NLGN4X: variants seen among roughly 807,000 people sequenced by gnomAD.
NLGN4X encodes the protein neuroligin 4 X-linked.
Under a neutral mutation model 40.3 loss-of-function variants are expected in NLGN4X, and 3 were observed. That is an observed-to-expected ratio of 0.07 (90% CI 0.03 to 0.19). The LOEUF (loss-of-function observed/expected upper bound fraction) is 0.19, where lower values mean the gene tolerates loss of function less well. Among genes scored for constraint, NLGN4X ranks in the 10% least tolerant of loss-of-function variants. The pLI, the probability that NLGN4X is intolerant of heterozygous loss-of-function variation, is 1.00. For synonymous variants in NLGN4X, 270 were observed against 306.8 expected (o/e 0.88, Z 1.25); for missense variants, 382 against 708.3 (o/e 0.54, Z 5.23).
intron 2 of NLGN4X, among the ~76,000 whole-genome samples, chrX:6,072,820 C>G (rs919832428): frequency 3.6e-5 from 4 of 111,394 alleles, no homozygotes; most frequent in Non-Finnish European, 7.5e-5. Flanking sequence ...CCAATTCCTT[C>G]TCTCCACCTT....
Position 6,032,236 on chromosome X carries a change from CCCA to C in NLGN4X, c.473-2807_473-2805del, listed in dbSNP as rs1168536273. On this transcript the variant is annotated intron_variant, in intron 2 of 5. Transcript: ENST00000381095. ...AAACTGATATTTCAGCCCCCCCCCCCCCAAAAAAAATTCTTCTAAGGTGCTGTA... is the reference window on the plus strand; with the variant it reads ...AAACTGATATTTCAGCCCCCCCCCCCAAAAAAATTCTTCTAAGGTGCTGTA... Among the ~76,000 whole-genome samples the C allele has an allele frequency of 1.4e-3, 132 of 93,313 alleles. 2 individuals are homozygous for C. The highest frequency in any genetic ancestry group is 4.9e-3 in the African/African-American group (125 of 25,605). 81.0% of individuals were successfully genotyped at this position (93,313 alleles called of 115,157 possible).
chrX:6,118,604 C>A (rs1357732511), intron 2 of NLGN4X, among the ~76,000 whole-genome samples: 1 of 111,713 alleles, frequency 9.0e-6, no homozygotes, highest in East Asian at 2.8e-4. Context: ...AAGCCAGCAT[C>A]CTCCCTTGAG....
At chrX:5,921,133 TTATATATATATATACATATATA>T (rs1555919725) in intron 3 of NLGN4X, among the ~76,000 whole-genome samples, 1 of 65,013 alleles carries the variant, frequency 1.5e-5, no homozygotes, top group African/African-American at 6.7e-5. Context: ...TAAGTATTTT[TTATATATATATATACATATATA>T]TATATATATA....
chrX:6,222,515 A>G (rs930186417), intron 1 of NLGN4X, among the ~76,000 whole-genome samples: 4 of 112,555 alleles, frequency 3.6e-5, no homozygotes, highest in East Asian at 5.6e-4. Flanking sequence ...GTGAAAGCCT[A>G]GATCGTTTCA....
At chrX:6,045,293 T>C (rs1440187386) in intron 2 of NLGN4X, among the ~76,000 whole-genome samples, 1 of 112,112 alleles carries the variant, frequency 8.9e-6, no homozygotes, top group Non-Finnish European at 1.9e-5. Context: ...ATTCTGGGCA[T>C]TCACTCAGGT....
At chrX:5,899,555 C>A (rs1601849363) in intron 5 of NLGN4X, among the ~76,000 whole-genome samples, 1 of 111,612 alleles carries the variant, frequency 9.0e-6, no homozygotes, top group East Asian at 2.8e-4. Context: ...ACAGAGAGAT[C>A]ATTGTGGTAT....
chrX:6,186,055 C>A (rs190019154), intron 1 of NLGN4X, among the ~76,000 whole-genome samples: 2 of 112,573 alleles, frequency 1.8e-5, no homozygotes, highest in East Asian at 5.6e-4. Flanking sequence ...AAAGCATATG[C>A]TCTGTTGTTA....
At chrX:6,116,750 G>C (rs766963445) in intron 2 of NLGN4X, among the ~76,000 whole-genome samples, 2 of 110,195 alleles carry the variant, frequency 1.8e-5, no homozygotes, top group South Asian at 7.8e-4. Context: ...GGCTGGTCTG[G>C]AACTCCTGAC....
intron 3 of NLGN4X, among the ~76,000 whole-genome samples, chrX:5,951,367 T>A (rs199542675): frequency 9.0e-6 from 1 of 111,664 alleles, no homozygotes; most frequent in South Asian, 3.8e-4. Context: ...AATAAAAATA[T>A]AAGGCAATCT....
chrX:5,960,294 A>T (rs1314922546), intron 3 of NLGN4X, among the ~76,000 whole-genome samples: 1 of 110,066 alleles, frequency 9.1e-6, no homozygotes, highest in Non-Finnish European at 1.9e-5. Context: ...AATATGTGCA[A>T]ATGAATAAAT....
chrX:5,932,273 G>C (rs1348632822), intron 3 of NLGN4X, among the ~76,000 whole-genome samples: 1 of 111,827 alleles, frequency 8.9e-6, no homozygotes, highest in African/African-American at 3.3e-5. Flanking sequence ...AGTGTTTGTT[G>C]AATGTTAATC....
intron 1 of NLGN4X, among the ~76,000 whole-genome samples, chrX:6,196,226 A>G (rs1240307345): frequency 1.8e-5 from 2 of 110,988 alleles, no homozygotes; most frequent in African/African-American, 3.3e-5. Context: ...CCTATTTTCA[A>G]ATCCGATATT....
chrX:6,188,435 G>C (rs1308410748), intron 1 of NLGN4X, among the ~76,000 whole-genome samples: 1 of 111,365 alleles, frequency 9.0e-6, no homozygotes, highest in Non-Finnish European at 1.9e-5. Flanking sequence ...GATTGCGCGT[G>C]TATTTCAATC....
chrX:5,924,006 T>C (rs1292804778), intron 3 of NLGN4X, among the ~76,000 whole-genome samples: 1 of 112,046 alleles, frequency 8.9e-6, no homozygotes, highest in East Asian at 2.8e-4. Flanking sequence ...ATGTTGTTGG[T>C]TTGTAATCTA....
At chrX:6,067,297 C>G (rs1410170092) in intron 2 of NLGN4X, among the ~76,000 whole-genome samples, 1 of 111,023 alleles carries the variant, frequency 9.0e-6, no homozygotes, top group Non-Finnish European at 1.9e-5. Flanking sequence ...TTACATTCTT[C>G]AGAGATGCCC....
At chrX:6,110,840 G>A (rs936767476) in intron 2 of NLGN4X, among the ~76,000 whole-genome samples, 9 of 111,621 alleles carry the variant, frequency 8.1e-5, no homozygotes, top group Non-Finnish European at 1.5e-4. Context: ...TGAAATGGAA[G>A]GCAATAATAA....
chrX:5,986,147 G>T (rs2035525800), intron 3 of NLGN4X, among the ~76,000 whole-genome samples: 1 of 112,138 alleles, frequency 8.9e-6, no homozygotes, highest in Admixed American at 9.5e-5. Context: ...AACAGTTTGA[G>T]ATATTAGACA....
intron 1 of NLGN4X, among the ~76,000 whole-genome samples, chrX:6,173,473 CA>C (rs1162427658): frequency 8.9e-6 from 1 of 111,845 alleles, no homozygotes; most frequent in South Asian, 3.8e-4. Flanking sequence ...AAGATGACCT[CA>C]ACTTTCCCCT....
chrX:6,015,316 A>G (rs146114572), intron 3 of NLGN4X, among the ~76,000 whole-genome samples: 3,037 of 111,676 alleles, frequency 0.027, 47 homozygotes, highest in Non-Finnish European at 0.041. Flanking sequence ...CCACTACTAC[A>G]TCTTCCTTGG....
Sources: allele counts gnomAD v4.1 joint callset (sites outside exome capture counted in the v4.1 genomes callset), GRCh38; gene constraint gnomAD v4.1.1; transcripts MANE v1.5; gene names NCBI Gene and HGNC (gene_info 2026-07-23, HGNC 2026-07-21).